The following IGF1R variants were observed in gnomAD, a reference collection of about 807,000 sequenced individuals.
The protein encoded by IGF1R is insulin-like growth factor 1 receptor.
Under a neutral mutation model 144.6 loss-of-function variants are expected in IGF1R, and 44 were observed. The ratio of observed to expected loss-of-function variants is 0.30; its 90% CI spans 0.24 to 0.39. The LOEUF (loss-of-function observed/expected upper bound fraction) is 0.39, where lower values mean the gene tolerates loss of function less well. Ranked by LOEUF, IGF1R falls within the 10% of genes least tolerant of loss-of-function variation. The pLI is 1.00. For synonymous variants in IGF1R, 795 were observed against 722.8 expected (o/e 1.10, Z -1.60); for missense variants, 1,355 against 1,833.7 (o/e 0.74, Z 4.77).
chr15:98,680,163 A>G (rs879527615), intron 1 of IGF1R, among the ~76,000 whole-genome samples: 1 of 152,164 alleles, frequency 6.6e-6, no homozygotes, highest in Non-Finnish European at 1.5e-5. Flanking sequence ...GTGTACAGTA[A>G]TGTCCTCAGC....
chr15:98,931,324 A>G (rs2015932570), intron 15 of IGF1R, among the ~76,000 whole-genome samples: 1 of 152,238 alleles, frequency 6.6e-6, no homozygotes, highest in African/African-American at 2.4e-5. Flanking sequence ...GAGAAGTGAA[A>G]GTAGATGCAG....
At chr15:98,755,112 A>T (rs2055115448) in intron 2 of IGF1R, among the ~76,000 whole-genome samples, 2 of 152,234 alleles carry the variant, frequency 1.3e-5, no homozygotes, top group African/African-American at 4.8e-5. Flanking sequence ...TCTTTAGGAA[A>T]GATATATGCA....
At chr15:98,795,932 C>A (rs1385004315) in intron 2 of IGF1R, among the ~76,000 whole-genome samples, 1 of 152,126 alleles carries the variant, frequency 6.6e-6, no homozygotes, top group Non-Finnish European at 1.5e-5. Context: ...GCTAAATCAC[C>A]GCTAAGATTT....
chr15:98,855,733 T>C (rs901256105), intron 2 of IGF1R, among the ~76,000 whole-genome samples: 2 of 152,202 alleles, frequency 1.3e-5, no homozygotes, highest in African/African-American at 4.8e-5. Context: ...GAAACCCTAA[T>C]CTGAGGGAAT....
intron 4 of IGF1R, among the ~76,000 whole-genome samples, chr15:98,898,324 T>TTA (rs1284517027): frequency 7.9e-5 from 12 of 152,368 alleles, no homozygotes; most frequent in Admixed American, 7.8e-4. Flanking sequence ...GAAGTATCAT[T>TTA]TATGAAGGGA....
At chr15:98,846,181 A>G (rs183386554) in intron 2 of IGF1R, among the ~76,000 whole-genome samples, 3 of 152,216 alleles carry the variant, frequency 2.0e-5, no homozygotes, top group African/African-American at 7.2e-5. Context: ...ATAAAATTTT[A>G]AAATTACACC....
chr15:98,667,832 A>G (rs1447233169), intron 1 of IGF1R, among the ~76,000 whole-genome samples: 2 of 150,908 alleles, frequency 1.3e-5, no homozygotes, highest in Non-Finnish European at 2.9e-5. Context: ...CCGAATGACC[A>G]CTCTCATCCT....
intron 13 of IGF1R, among the ~76,000 whole-genome samples, chr15:98,925,044 C>T (rs2015657115): frequency 6.6e-6 from 1 of 151,644 alleles, no homozygotes; most frequent in African/African-American, 2.4e-5. Context: ...TTGAATTGAC[C>T]ATTCCACCTC....
rs545101058 is a variant in IGF1R, at chr15:98,660,105, G to A, written c.94+10430G>A. 4 of 152,274 alleles carry A rather than the reference G, an allele frequency of 2.6e-5. No individual in the cohort carries two copies. The East Asian group carries it at 7.7e-4, about 29-fold the overall frequency. The allele number at this position is 152,274 out of a possible 1,614,324, so 9.4% of individuals were successfully genotyped here. A position where few individuals can be genotyped will look rare whatever the true frequency, so the allele number is the denominator to read the frequency against. Reference sequence around the variant, plus strand: ...GCCTTAAACCTGTTTCCCCATGATTGCCTTTTATTATTTTTAATTCGGAAA... The same window carrying A: ...GCCTTAAACCTGTTTCCCCATGATTACCTTTTATTATTTTTAATTCGGAAA... On this transcript the variant is annotated intron_variant, in intron 1 of 20. Coordinates refer to ENST00000650285, the MANE Select transcript of IGF1R (RefSeq NM_000875.5).
intron 1 of IGF1R, among the ~76,000 whole-genome samples, chr15:98,681,814 AGGGTCTGTCCCT>A (rs1323858684): frequency 6.6e-6 from 1 of 152,170 alleles, no homozygotes; most frequent in Non-Finnish European, 1.5e-5. Context: ...ACTTGAATTT[AGGGTCTGTCCCT>A]GGTGTCATCT....
intron 20 of IGF1R, among the ~76,000 whole-genome samples, chr15:98,949,869 C>T (rs942053305): frequency 1.6e-4 from 25 of 152,080 alleles, no homozygotes; most frequent in Admixed American, 1.6e-3. Context: ...GTCAGAGCTG[C>T]TGGAGCAGGG....
chr15:98,833,041 A>G (rs780292155), intron 2 of IGF1R, among the ~76,000 whole-genome samples: 2 of 152,198 alleles, frequency 1.3e-5, no homozygotes, highest in Non-Finnish European at 2.9e-5. Flanking sequence ...AGTGGTGAGG[A>G]CTACATTATG....
intron 2 of IGF1R, among the ~76,000 whole-genome samples, chr15:98,773,092 A>G (rs1239996676): frequency 2.6e-5 from 4 of 152,184 alleles, no homozygotes; most frequent in Non-Finnish European, 5.9e-5. Context: ...TAAGAGAATT[A>G]GAAAGTTGTT....
At chr15:98,864,401 T>C (rs1360691223) in intron 2 of IGF1R, among the ~76,000 whole-genome samples, 1 of 152,236 alleles carries the variant, frequency 6.6e-6, no homozygotes. Flanking sequence ...TCACTTGTTG[T>C]TTGAGACATC....
chr15:98,957,544 C>T lies in IGF1R; in HGVS notation c.*102C>T. 1 of 1,459,542 alleles carries T rather than the reference C, an allele frequency of 6.9e-7. No individual in the cohort carries two copies. The highest frequency in any genetic ancestry group is 1.8e-5 in the Admixed American group (1 of 56,834). 90.4% of individuals were successfully genotyped at this position (1,459,542 alleles called of 1,614,324 possible). The stretch of plus-strand genomic sequence containing the variant: ...CAATCCATTCACAAGCCTCCTGTAC[C>T]TCAGTGGATCTTCAGAACTGCCCTT... On this transcript the variant is annotated 3_prime_UTR_variant, in exon 21 of 21. Coordinates refer to ENST00000650285, the MANE Select transcript of IGF1R (RefSeq NM_000875.5).
At chr15:98,781,655 A>G (rs773212227) in intron 2 of IGF1R, among the ~76,000 whole-genome samples, 2 of 152,218 alleles carry the variant, frequency 1.3e-5, no homozygotes, top group Non-Finnish European at 2.9e-5. Context: ...AATAGTATAA[A>G]CAAGATAGGG....
At chr15:98,733,556 C>T (rs1470018481) in intron 2 of IGF1R, among the ~76,000 whole-genome samples, 1 of 151,834 alleles carries the variant, frequency 6.6e-6, no homozygotes, top group East Asian at 1.9e-4. Context: ...CAGGGGAATT[C>T]CCTCTCCGAG....
intron 2 of IGF1R, among the ~76,000 whole-genome samples, chr15:98,797,540 G>T (rs1245869385): frequency 6.6e-6 from 1 of 152,202 alleles, no homozygotes; most frequent in Non-Finnish European, 1.5e-5. Context: ...CTTCATTTGG[G>T]GTTGGGGGAG....
intron 1 of IGF1R, chr15:98,660,539 T>C (rs1449064709): frequency 6.6e-6 from 1 of 152,266 alleles, no homozygotes; most frequent in Non-Finnish European, 1.5e-5. Context: ...ATACTCGCCA[T>C]TCACTTTGAA....
Sources: gnomAD v4.1 joint callset for allele counts (sites outside exome capture counted in the v4.1 genomes callset) on GRCh38, gnomAD v4.1.1 for gene constraint, MANE v1.5 for transcripts, NCBI Gene and HGNC (gene_info 2026-07-23, HGNC 2026-07-21) for gene names.